The following C1QTNF7 variants were observed in gnomAD, a reference collection of about 807,000 sequenced individuals.
C1QTNF7 encodes C1q and TNF related 7.
A neutral mutation model predicts 19.6 loss-of-function variants in C1QTNF7; 15 were observed. That is an observed-to-expected ratio of 0.76 (90% CI 0.51 to 1.18). The LOEUF (loss-of-function observed/expected upper bound fraction) is 1.18, where lower values mean the gene tolerates loss of function less well. C1QTNF7 is among the 50% of genes most tolerant of loss of function. The pLI is 0.00. For missense variants in C1QTNF7, 324 were observed against 359.7 expected (o/e 0.90, Z 0.80); for synonymous variants, 142 against 137.5 (o/e 1.03, Z -0.23).
chr4:15,391,835 C>T (rs760252067), intron 1 of C1QTNF7, among the ~76,000 whole-genome samples: 4 of 152,074 alleles, frequency 2.6e-5, no homozygotes, highest in Non-Finnish European at 5.9e-5. Flanking sequence ...AAAGGGACAA[C>T]AAGCAGGAAG....
chr4:15,433,189 TA>T (rs1483447372), intron 1 of C1QTNF7, among the ~76,000 whole-genome samples: 1 of 152,148 alleles, frequency 6.6e-6, no homozygotes, highest in African/African-American at 2.4e-5. Flanking sequence ...TATGAACCTT[TA>T]TTTTTTTGGT....
intron 1 of C1QTNF7, chr4:15,374,674 C>T: frequency 1.0e-6 from 1 of 985,296 alleles, no homozygotes; most frequent in Non-Finnish European, 1.2e-6. Context: ...ATGAATAATC[C>T]TCGCTGCCAA....
At chr4:15,414,806 A>T (rs1719532301) in intron 1 of C1QTNF7, among the ~76,000 whole-genome samples, 1 of 149,632 alleles carries the variant, frequency 6.7e-6, no homozygotes, top group African/African-American at 2.4e-5. Context: ...TATTAAAGTA[A>T]ATGTTTTCAT....
intron 1 of C1QTNF7, among the ~76,000 whole-genome samples, chr4:15,407,206 G>A (rs1180747920): frequency 1.3e-5 from 2 of 152,154 alleles, no homozygotes; most frequent in Admixed American, 6.5e-5. Flanking sequence ...TGGTGGTACA[G>A]CCCAGACAGC....
chr4:15,368,937 A>G (rs1431787092), intron 1 of C1QTNF7, among the ~76,000 whole-genome samples: 1 of 152,212 alleles, frequency 6.6e-6, no homozygotes, highest in African/African-American at 2.4e-5. Flanking sequence ...TAAAGCGAAG[A>G]TCATTTTCTG....
chr4:15,398,929 C>G (rs1367620693), intron 1 of C1QTNF7, among the ~76,000 whole-genome samples: 1 of 152,146 alleles, frequency 6.6e-6, no homozygotes, highest in Non-Finnish European at 1.5e-5. Context: ...CGCATTGCCT[C>G]TCCCCTGATT....
chr4:15,344,882 C>T (rs1716664085), intron 1 of C1QTNF7, among the ~76,000 whole-genome samples: 1 of 152,182 alleles, frequency 6.6e-6, no homozygotes, highest in Non-Finnish European at 1.5e-5. Context: ...CTGTCTACCT[C>T]TCATGACTGA....
exon 1 of C1QTNF7, chr4:15,339,992 A>G: frequency 1.5e-6 from 1 of 673,090 alleles, no homozygotes; most frequent in Non-Finnish European, 2.6e-6. Flanking sequence ...AACTTCGTAC[A>G]ACAGCATGAG....
chr4:15,427,145 G>A (rs771148044), upstream of C1QTNF7, among the ~76,000 whole-genome samples: 5 of 152,182 alleles, frequency 3.3e-5, no homozygotes, highest in African/African-American at 4.8e-5. Context: ...CAGCAATCTC[G>A]TTGGTCAAGT....
At chr4:15,343,266 G>A (rs1018919728) in intron 1 of C1QTNF7, among the ~76,000 whole-genome samples, 23 of 152,178 alleles carry the variant, frequency 1.5e-4, no homozygotes, top group African/African-American at 5.3e-4. Context: ...GGAAAATGGT[G>A]AGGTTGAGTT....
chr4:15,391,292 G>C (rs1369907745), intron 1 of C1QTNF7, among the ~76,000 whole-genome samples: 3 of 151,986 alleles, frequency 2.0e-5, no homozygotes, highest in African/African-American at 7.2e-5. Flanking sequence ...GGGTTGAGTA[G>C]ACTCCTACAG....
chr4:15,345,721 G>A (rs1716691585), intron 1 of C1QTNF7, among the ~76,000 whole-genome samples: 2 of 152,120 alleles, frequency 1.3e-5, no homozygotes, highest in African/African-American at 4.8e-5. Flanking sequence ...CAAAATAGGT[G>A]GCCAACAGAT....
chr4:15,384,556 G>C (rs1158346293), intron 1 of C1QTNF7, among the ~76,000 whole-genome samples: 2 of 152,120 alleles, frequency 1.3e-5, no homozygotes, highest in East Asian at 3.9e-4. Context: ...AGAATGTTCT[G>C]GAGCCTCACC....
chr4:15,386,822 G>A (rs1718353446), intron 1 of C1QTNF7, among the ~76,000 whole-genome samples: 1 of 152,188 alleles, frequency 6.6e-6, no homozygotes, highest in Admixed American at 6.5e-5. Flanking sequence ...GGTGGCCAGA[G>A]TTGAAGAAGT....
intron 1 of C1QTNF7, among the ~76,000 whole-genome samples, chr4:15,397,540 A>G (rs1418719527): frequency 6.6e-6 from 1 of 152,150 alleles, no homozygotes; most frequent in African/African-American, 2.4e-5. Flanking sequence ...GGCTATCTCT[A>G]GAGGCACCTG....
At chr4:15,346,479 T>C (rs1716721969) in intron 1 of C1QTNF7, among the ~76,000 whole-genome samples, 1 of 152,192 alleles carries the variant, frequency 6.6e-6, no homozygotes, top group Non-Finnish European at 1.5e-5. Flanking sequence ...TATGACAGTA[T>C]TTTGAGAGCT....
chr4:15,342,565 C>G (rs1475243327), intron 1 of C1QTNF7, among the ~76,000 whole-genome samples: 1 of 152,118 alleles, frequency 6.6e-6, no homozygotes, highest in Non-Finnish European at 1.5e-5. Flanking sequence ...AGAAAGCGTC[C>G]CACAAAGCTG....
At chr4:15,398,565 G>A (rs1454608013) in intron 1 of C1QTNF7, among the ~76,000 whole-genome samples, 1 of 152,164 alleles carries the variant, frequency 6.6e-6, no homozygotes, top group East Asian at 1.9e-4. Flanking sequence ...GAGTAGACAA[G>A]CCCTACTCAA....
At chr4:15,436,840 A>T (rs1007584549) in intron 2 of C1QTNF7, among the ~76,000 whole-genome samples, 3 of 152,218 alleles carry the variant, frequency 2.0e-5, no homozygotes, top group Non-Finnish European at 4.4e-5. Context: ...AGGAAGGAAA[A>T]AATTCTATAT....
Sources: gnomAD v4.1 joint callset for allele counts (sites outside exome capture counted in the v4.1 genomes callset) on GRCh38, gnomAD v4.1.1 for gene constraint, MANE v1.5 for transcripts, NCBI Gene and HGNC (gene_info 2026-07-23, HGNC 2026-07-21) for gene names.